The following TBCK variants were observed in gnomAD, a reference collection of about 807,000 sequenced individuals.
The protein encoded by TBCK is TBC1 domain containing kinase.
In TBCK, 99 loss-of-function variants were observed where a neutral mutation model predicts 113.4. The observed-to-expected ratio is 0.87, with a 90% CI of 0.74 to 1.03. TBCK has a LOEUF of 1.03. Among genes scored for constraint, TBCK ranks in the 50% least tolerant of loss-of-function variants. TBCK has a pLI of 0.00. For missense variants in TBCK, 1,045 were observed against 1,061.3 expected (o/e 0.98, Z 0.21); for synonymous variants, 369 against 370.8 (o/e 1.00, Z 0.05).
Position 106,116,308 on chromosome 4 carries a change from A to G in TBCK, c.2306T>C (p.Ile769Thr), listed in dbSNP as rs747418110. ...TGTCACTGTGAGCTCACACAAGTCAATCAGGTCCTCTGCTGAAATCCGTGG... is the reference window on the plus strand; with the variant it reads ...TGTCACTGTGAGCTCACACAAGTCAGTCAGGTCCTCTGCTGAAATCCGTGG... ...VSPRISAEDL[I>T]DLCELTVTGH... Residue 769 changes from isoleucine (I) to threonine (T), a missense_variant, in exon 24 of 26, where the codon ATT becomes ACT. Physicochemically the swap from Ile to Thr is moderately conservative, Grantham distance 89. Coordinates refer to ENST00000394708, the MANE Select transcript of TBCK (RefSeq NM_001163435.3). 1.2e-6 allele frequency: 2 copies of G among 1,614,026 alleles called. No homozygotes were observed. Among genetic ancestry groups the G allele is most frequent in the Admixed American group, 1.7e-5 (1 of 60,004 alleles).
At chr4:106,174,038 A>G (rs1474881980) in intron 22 of TBCK, among the ~76,000 whole-genome samples, 1 of 152,092 alleles carries the variant, frequency 6.6e-6, no homozygotes, top group Non-Finnish European at 1.5e-5. Flanking sequence ...GAAATACTGA[A>G]CTATTTTCAA....
At chr4:106,312,215 CAT>C (rs767089720) in intron 1 of TBCK, among the ~76,000 whole-genome samples, 9 of 152,180 alleles carry the variant, frequency 5.9e-5, no homozygotes, top group African/African-American at 1.7e-4. Flanking sequence ...TAAAATCAAA[CAT>C]ATGTGTGTCT....
intron 7 of TBCK, among the ~76,000 whole-genome samples, chr4:106,249,399 G>A (rs368352386): frequency 6.6e-6 from 1 of 152,082 alleles, no homozygotes; most frequent in Admixed American, 6.6e-5. Context: ...TTGTGGATGC[G>A]AAATCTGCAT....
chr4:106,219,216 G>T (rs1757368729), intron 19 of TBCK, among the ~76,000 whole-genome samples: 1 of 116,226 alleles, frequency 8.6e-6, no homozygotes, highest in African/African-American at 3.5e-5. Flanking sequence ...TCTGGGGCCT[G>T]TTGTGGGGTG....
intron 2 of TBCK, 109 bp downstream of exon 2, chr4:106,308,659 T>A (rs866283911): frequency 3.1e-6 from 3 of 962,198 alleles, no homozygotes; most frequent in Admixed American, 2.6e-5. Flanking sequence ...AAGAAGGACA[T>A]GTGTGCACTG....
chr4:106,212,175 G>C (rs986645453), intron 20 of TBCK, among the ~76,000 whole-genome samples: 1 of 152,084 alleles, frequency 6.6e-6, no homozygotes, highest in East Asian at 1.9e-4. Context: ...TAATTGATAA[G>C]TAATAATTGT....
intron 1 of TBCK, among the ~76,000 whole-genome samples, chr4:106,309,437 C>T (rs977094468): frequency 6.6e-6 from 1 of 151,286 alleles, no homozygotes; most frequent in Non-Finnish European, 1.5e-5. Context: ...CTCAGCCTCC[C>T]GAGTAGAGGC....
intron 5 of TBCK, among the ~76,000 whole-genome samples, chr4:106,259,822 C>A (rs1257524369): frequency 6.6e-6 from 1 of 151,844 alleles, no homozygotes; most frequent in African/African-American, 2.4e-5. Context: ...AAATATAACA[C>A]AGAAATCCGT....
chr4:106,143,885 T>C (rs1747442511), intron 23 of TBCK, among the ~76,000 whole-genome samples: 1 of 142,472 alleles, frequency 7.0e-6, no homozygotes, highest in African/African-American at 2.6e-5. Flanking sequence ...TTGCACTTCA[T>C]CCCGGGCAAC....
chr4:106,129,929 T>C (rs1336276945), intron 23 of TBCK, among the ~76,000 whole-genome samples: 2 of 152,172 alleles, frequency 1.3e-5, no homozygotes, highest in African/African-American at 2.4e-5. Flanking sequence ...CCCTAGTATA[T>C]TGGCTTGGCT....
At position 106,265,447 on chromosome 4, in the gene TBCK, A is replaced by G. The variant is rs111935513; in HGVS notation, c.267-3235T>C. ...TTATTGACTACAGTCATCCCGTTGTATTAACTTTCTGTTTTAAGAGCATAA... is the reference window on the plus strand; with the variant it reads ...TTATTGACTACAGTCATCCCGTTGTGTTAACTTTCTGTTTTAAGAGCATAA... On this transcript the variant is annotated intron_variant, in intron 3 of 25. Transcript: ENST00000394708. Among the ~76,000 whole-genome samples, 6 of 152,010 alleles carry G rather than the reference A, an allele frequency of 3.9e-5. 1 individual carries two copies. Among genetic ancestry groups the G allele is most frequent in the African/African-American group, 1.4e-4 (6 of 41,530 alleles).
chr4:106,078,422 A>T (rs537428130), intron 25 of TBCK, among the ~76,000 whole-genome samples: 1 of 152,270 alleles, frequency 6.6e-6, no homozygotes, highest in Non-Finnish European at 1.5e-5. Context: ...GAAGATCCAA[A>T]TAAACCCAAT....
rs1196537320 is a variant in TBCK, at chr4:106,046,625, C to G, written c.2627G>C (p.Gly876Ala). 3 of 1,612,580 alleles carry G rather than the reference C, an allele frequency of 1.9e-6. No individual in the cohort carries two copies. Among genetic ancestry groups the G allele is most frequent in the Non-Finnish European group, 2.5e-6 (3 of 1,179,060 alleles). The part of the protein sequence containing the change: ...KYPRICILDG[G>A]INKIKPTGLL... ...GCCTGTTGGCTTTATTTTATTAATG[C>G]CACCATCTAGAATACAGATTCTTGG... is the stretch of plus-strand genomic sequence containing the variant. The change falls in exon 26 of 26, where the codon GGC becomes GCC. Residue 876 changes from glycine to alanine, a missense_variant. Coordinates refer to ENST00000394708, the MANE Select transcript of TBCK (RefSeq NM_001163435.3).
In TBCK at chr4:106,095,574, C is replaced by A. The variant is rs2149518765; in HGVS notation, c.2479G>T (p.Glu827Ter). 1 of 1,614,082 alleles carries A rather than the reference C, an allele frequency of 6.2e-7. No homozygotes were observed. Among genetic ancestry groups the A allele is most frequent in the Non-Finnish European group, 8.5e-7 (1 of 1,179,968 alleles). ...GCAGTGTAAGGGCCCTGGGTAAGCT[C>A]CCCTTCTGCAGTGAAGGCAGCACTG... ...PFSAAFTAEG[E>*]LTQGPYTAML... The change falls in exon 25 of 26, where the codon GAG becomes TAG. Residue 827 changes from glutamate to a stop codon, truncating the protein, a stop_gained. Transcript: ENST00000394708. LOFTEE classifies it high-confidence loss of function.
intron 10 of TBCK, among the ~76,000 whole-genome samples, chr4:106,245,655 T>C (rs1760712737): frequency 6.6e-6 from 1 of 152,196 alleles, no homozygotes; most frequent in Non-Finnish European, 1.5e-5. Context: ...ATAATTTGAA[T>C]GCTCCCGACT....
chr4:106,248,285 C>G lies in TBCK; in HGVS notation c.742G>C (p.Asp248His). The G allele has an allele frequency of 6.3e-7, 1 of 1,592,994 alleles. No homozygotes were observed. Among genetic ancestry groups the G allele is most frequent in the East Asian group, 2.3e-5 (1 of 43,850 alleles). Residue 248 changes from aspartate to histidine, a missense_variant, in exon 9 of 26, where the codon GAT (aspartate) becomes CAT (histidine). Physicochemically the swap from Asp to His is moderately conservative, Grantham distance 81 (BLOSUM62 -1). Coordinates refer to ENST00000394708, the MANE Select transcript of TBCK (RefSeq NM_001163435.3). ...IIKELPETVI[D>H]LLNKCLTFHP... is the part of the protein sequence containing the mutation. ...AAGGTAAGGCACTTATTCAAAAGAT[C>G]TATCACAGTTTCAGGAAGCTCCTGG...
chr4:106,251,696 C>CA (rs1401665310), intron 6 of TBCK, among the ~76,000 whole-genome samples, 170 bp downstream of exon 6: 1 of 151,722 alleles, frequency 6.6e-6, no homozygotes, highest in Non-Finnish European at 1.5e-5. Flanking sequence ...CCAGAGATGC[C>CA]AAAAAATATG....
chr4:106,063,475 T>C (rs866595066), intron 25 of TBCK, among the ~76,000 whole-genome samples: 1 of 151,946 alleles, frequency 6.6e-6, no homozygotes, highest in Non-Finnish European at 1.5e-5. Flanking sequence ...ACAACACATA[T>C]GCTGAATTGG....
At chr4:106,306,432 T>C (rs1026030831) in intron 2 of TBCK, among the ~76,000 whole-genome samples, 2 of 152,020 alleles carry the variant, frequency 1.3e-5, no homozygotes, top group African/African-American at 4.8e-5. Flanking sequence ...TGTACTTCCA[T>C]AGCATAGCAT....
Sources: allele counts gnomAD v4.1 joint callset (sites outside exome capture counted in the v4.1 genomes callset), GRCh38; gene constraint gnomAD v4.1.1; transcripts MANE v1.5; gene names NCBI Gene and HGNC (gene_info 2026-07-23, HGNC 2026-07-21).